The following CNTN3 variants were observed in gnomAD, a reference collection of about 807,000 sequenced individuals.
The protein encoded by CNTN3 is contactin 3, also known as contactin-3.
In CNTN3, 60 loss-of-function variants were observed where a neutral mutation model predicts 119.1. The ratio of observed to expected loss-of-function variants is 0.50; its 90% CI spans 0.41 to 0.62. The LOEUF (loss-of-function observed/expected upper bound fraction) is 0.62, where lower values mean the gene tolerates loss of function less well. Among genes scored for constraint, CNTN3 ranks in the 20% least tolerant of loss-of-function variants. The probability of loss-of-function intolerance (pLI) is 0.00; values close to 1 mark genes in which losing one functional copy is unlikely to be tolerated. For synonymous variants in CNTN3, 450 were observed against 438.7 expected (o/e 1.03, Z -0.32); for missense variants, 1,101 against 1,242.4 (o/e 0.89, Z 1.71).
intron 5 of CNTN3, among the ~76,000 whole-genome samples, chr3:74,406,266 AG>A (rs1705321270): frequency 6.6e-6 from 1 of 152,226 alleles, no homozygotes; most frequent in Admixed American, 6.5e-5. Context: ...TTTACAACAA[AG>A]ATTGTTTCTA....
chr3:74,431,094 G>A (rs946218584), intron 4 of CNTN3, among the ~76,000 whole-genome samples: 1 of 152,162 alleles, frequency 6.6e-6, no homozygotes, highest in Non-Finnish European at 1.5e-5. Flanking sequence ...CATTTCTGGT[G>A]TATAAAAGTC....
chr3:74,336,536 A>G lies in CNTN3; in HGVS notation c.1487T>C (p.Val496Ala). Residue 496 changes from valine to alanine, a missense_variant, in exon 12 of 23, where the codon GTT becomes GCT. Transcript: ENST00000263665. ...GKANGTTHLV[V>A]TEPTRITLAP... ...TATTTTAGAAATGGACCTACCCGTA[A>G]CAACCAAATGTGTTGTGCCATTTGC... The G allele has an allele frequency of 6.2e-7, 1 of 1,612,128 alleles. No homozygotes were observed. Among genetic ancestry groups the G allele is most frequent in the Non-Finnish European group, 8.5e-7 (1 of 1,178,604 alleles).
intron 1 of CNTN3, among the ~76,000 whole-genome samples, chr3:74,607,797 T>C (rs1202980180): frequency 3.9e-5 from 6 of 152,218 alleles, no homozygotes; most frequent in African/African-American, 1.4e-4. Flanking sequence ...CATTAGTGTA[T>C]GCTGACATGG....
At chr3:74,425,153 G>C (rs1185778692) in intron 4 of CNTN3, among the ~76,000 whole-genome samples, 1 of 152,100 alleles carries the variant, frequency 6.6e-6, no homozygotes, top group African/African-American at 2.4e-5. Context: ...GTAATGCTGA[G>C]GTTTGGGGTT....
chr3:74,398,297 C>T (rs1008246215), intron 5 of CNTN3, among the ~76,000 whole-genome samples: 8 of 152,202 alleles, frequency 5.3e-5, no homozygotes, highest in Admixed American at 2.0e-4. Flanking sequence ...ATCACCCCAA[C>T]CTTCCGTGAT....
At chr3:74,368,008 A>C (rs777034752) in intron 8 of CNTN3, among the ~76,000 whole-genome samples, 7 of 152,040 alleles carry the variant, frequency 4.6e-5, no homozygotes, top group Non-Finnish European at 7.4e-5. Flanking sequence ...CCCTATTTCC[A>C]TAGAATCCTA....
At chr3:74,526,405 A>G (rs965369980) in intron 1 of CNTN3, among the ~76,000 whole-genome samples, 3 of 151,798 alleles carry the variant, frequency 2.0e-5, no homozygotes, top group East Asian at 2.0e-4. Flanking sequence ...GCTTGTTGAG[A>G]CTGTGTATCC....
rs144724947 is a variant in CNTN3 at position 74,496,956 on chromosome 3, T to C, written c.182+2703A>G. On this transcript the variant is annotated intron_variant, in intron 3 of 22. Coordinates refer to ENST00000263665, the MANE Select transcript of CNTN3 (RefSeq NM_020872.3). ...CTTCAGACAAGTTGGCATCAGTCTATAAGGCAGGATTTGGTCTTTCAAAGG... is the reference window on the plus strand; with the variant it reads ...CTTCAGACAAGTTGGCATCAGTCTACAAGGCAGGATTTGGTCTTTCAAAGG... Among the ~76,000 whole-genome samples, 1,013 of 152,100 alleles carry C rather than the reference T, an allele frequency of 6.7e-3. 16 individuals carry two copies. Among genetic ancestry groups the C allele is most frequent in the African/African-American group, 0.023 (952 of 41,534 alleles).
At chr3:74,480,692 T>TCTAGAAGAAAAA (rs1553670127) in intron 4 of CNTN3, among the ~76,000 whole-genome samples, 2,025 of 151,766 alleles carry the variant, frequency 0.013, 26 homozygotes, top group Non-Finnish European at 0.022. Flanking sequence ...CTATTTCTGA[T>TCTAGAAGAAAAA]CTAGAAGATA....
intron 1 of CNTN3, among the ~76,000 whole-genome samples, chr3:74,567,247 C>G (rs574287011): frequency 6.6e-6 from 1 of 151,738 alleles, no homozygotes. Context: ...CTCAAGTGAT[C>G]CTCCCAACTG....
intron 4 of CNTN3, among the ~76,000 whole-genome samples, chr3:74,452,092 A>T (rs1305539079): frequency 6.8e-6 from 1 of 146,164 alleles, no homozygotes; most frequent in East Asian, 2.1e-4. Flanking sequence ...TTGAATCTAT[A>T]AATTACCTTG....
intron 5 of CNTN3, among the ~76,000 whole-genome samples, chr3:74,408,397 C>A (rs992530455): frequency 6.6e-6 from 1 of 152,046 alleles, no homozygotes; most frequent in Non-Finnish European, 1.5e-5. Flanking sequence ...TAACAGTGGT[C>A]GGTTTTTCAA....
At chr3:74,553,167 T>G (rs1704018225) in intron 1 of CNTN3, among the ~76,000 whole-genome samples, 1 of 150,980 alleles carries the variant, frequency 6.6e-6, no homozygotes, top group South Asian at 2.1e-4. Flanking sequence ...CTCCCACTTA[T>G]GAGTGAGAGC....
intron 1 of CNTN3, among the ~76,000 whole-genome samples, chr3:74,545,742 A>T (rs906208898): frequency 6.6e-6 from 1 of 152,186 alleles, no homozygotes; most frequent in Non-Finnish European, 1.5e-5. Flanking sequence ...GTCCATTTTT[A>T]AAATTATGTT....
At chr3:74,582,528 AG>A (rs2106670313) in intron 1 of CNTN3, among the ~76,000 whole-genome samples, 1 of 152,350 alleles carries the variant, frequency 6.6e-6, no homozygotes, top group Non-Finnish European at 1.5e-5. Context: ...CCATAAAAAT[AG>A]GCAATACTTC....
At chr3:74,419,824 T>G (rs1701588752) in intron 5 of CNTN3, among the ~76,000 whole-genome samples, 1 of 152,202 alleles carries the variant, frequency 6.6e-6, no homozygotes, top group Non-Finnish European at 1.5e-5. Context: ...TAATTAGTAT[T>G]TATCATAAGG....
At chr3:74,303,489 T>C (rs572410949) in intron 13 of CNTN3, among the ~76,000 whole-genome samples, 1 of 152,122 alleles carries the variant, frequency 6.6e-6, no homozygotes, top group Non-Finnish European at 1.5e-5. Context: ...GGTCAGGAGT[T>C]TGAGACCAGC....
chr3:74,604,264 T>C (rs1262486979), intron 1 of CNTN3, among the ~76,000 whole-genome samples: 1 of 152,136 alleles, frequency 6.6e-6, no homozygotes, highest in African/African-American at 2.4e-5. Context: ...AATGATTTTT[T>C]GGATATAACC....
intron 1 of CNTN3, among the ~76,000 whole-genome samples, chr3:74,550,049 A>G (rs562889404): frequency 1.2e-4 from 18 of 152,340 alleles, no homozygotes; most frequent in African/African-American, 4.3e-4. Context: ...ACACCAAGTC[A>G]TAAGTCTAGG....
Sources: gnomAD v4.1 joint callset for allele counts (sites outside exome capture counted in the v4.1 genomes callset) on GRCh38, gnomAD v4.1.1 for gene constraint, MANE v1.5 for transcripts, NCBI Gene and HGNC (gene_info 2026-07-23, HGNC 2026-07-21) for gene names.